PCDHA2: variants seen among roughly 807,000 people sequenced by gnomAD.
PCDHA2 encodes the protein protocadherin alpha 2, also known as protocadherin alpha-2.
Under a neutral mutation model 66.0 loss-of-function variants are expected in PCDHA2, and 58 were observed. The ratio of observed to expected loss-of-function variants is 0.88; its 90% CI spans 0.71 to 1.09. The LOEUF is 1.09. Ranked by LOEUF, PCDHA2 falls within the 50% of genes least tolerant of loss-of-function variation. The pLI, the probability that PCDHA2 is intolerant of heterozygous loss-of-function variation, is 0.00. For synonymous variants in PCDHA2, 634 were observed against 554.0 expected (o/e 1.14, Z -2.03); for missense variants, 1,267 against 1,242.3 (o/e 1.02, Z -0.30).
intron 1 of PCDHA2, among the ~76,000 whole-genome samples, chr5:140,905,301 C>T (rs1476283859): frequency 6.6e-6 from 1 of 152,182 alleles, no homozygotes; most frequent in Admixed American, 6.5e-5. Context: ...GGTGTCCTTT[C>T]CACACTTTGT....
chr5:140,861,023 C>T (rs1192782331), intron 1 of PCDHA2: 1 of 152,246 alleles, frequency 6.6e-6, no homozygotes, highest in Non-Finnish European at 1.5e-5. Context: ...GCCACCGCAC[C>T]CGGCCGAAAG....
chr5:140,830,343 C>T (rs2150185146), intron 1 of PCDHA2: 1 of 1,614,058 alleles, frequency 6.2e-7, no homozygotes, highest in South Asian at 1.1e-5. Context: ...TGGTCGTACT[C>T]GCAGCAGAGG....
intron 1 of PCDHA2, among the ~76,000 whole-genome samples, chr5:140,855,450 T>C (rs1304022224): frequency 6.7e-6 from 1 of 149,974 alleles, no homozygotes; most frequent in African/African-American, 2.4e-5. Context: ...TTCGGAGTTA[T>C]AAACACCTCA....
At chr5:140,802,454 G>A (rs1554122143) in intron 1 of PCDHA2, 6 of 1,614,214 alleles carry the variant, frequency 3.7e-6, no homozygotes, top group East Asian at 2.2e-5. Flanking sequence ...AGAGCGTGTC[G>A]GCCTATGAGC....
At chr5:140,843,505 T>A (rs2150361332) in intron 1 of PCDHA2, 2 of 1,595,718 alleles carry the variant, frequency 1.3e-6, no homozygotes, top group Admixed American at 1.7e-5. Context: ...CACTGCCCAC[T>A]GAGGGCGGGT....
At chr5:140,999,977 C>T (rs1554257051) in intron 3 of PCDHA2, among the ~76,000 whole-genome samples, 1 of 152,068 alleles carries the variant, frequency 6.6e-6, no homozygotes, top group Non-Finnish European at 1.5e-5. Flanking sequence ...GCAGCTCTAG[C>T]GGCCTCTGGG....
rs782517492 is a variant in PCDHA2, at chr5:140,857,455, A to G, written c.2388+60103A>G. The G allele has an allele frequency of 3.4e-5, 54 of 1,598,538 alleles. 6 individuals carry two copies. Among genetic ancestry groups the G allele is most frequent in the Admixed American group, 1.0e-4 (6 of 59,344 alleles). On this transcript the variant is annotated intron_variant, in intron 1 of 3. Transcript: ENST00000526136. ...TGTTCGTGAAGGAGAACAACCCGCC[A>G]GGCTGCCACATCTTCACGGTGTCTG...
intron 1 of PCDHA2, chr5:140,967,037 G>C (rs1429896772): frequency 2.5e-6 from 4 of 1,611,378 alleles, no homozygotes; most frequent in South Asian, 1.1e-5. Flanking sequence ...GCGCTACCTG[G>C]AGCTGGACCT....
chr5:140,850,254 G>C, intron 1 of PCDHA2: 1 of 1,593,786 alleles, frequency 6.3e-7, no homozygotes, highest in Non-Finnish European at 8.6e-7. Flanking sequence ...GTCGGTGGGC[G>C]CCGGCGTAGT....
chr5:140,875,961 C>G, intron 1 of PCDHA2: 1 of 1,614,004 alleles, frequency 6.2e-7, no homozygotes, highest in Non-Finnish European at 8.5e-7. Flanking sequence ...CGGATATCGG[C>G]GTAAACTCTC....
intron 1 of PCDHA2, chr5:140,847,826 A>T (rs914616937): frequency 6.7e-6 from 1 of 149,784 alleles, no homozygotes; most frequent in Non-Finnish European, 1.5e-5. Flanking sequence ...TACTCAAGAA[A>T]ACTACCTCAG....
At chr5:140,814,028 A>G (rs1469923006) in intron 1 of PCDHA2, 2 of 152,870 alleles carry the variant, frequency 1.3e-5, no homozygotes, top group African/African-American at 4.8e-5. Flanking sequence ...TAATAAATTA[A>G]CCTTAGCTTA....
chr5:140,801,740 C>T (rs774149101), intron 1 of PCDHA2: 3 of 1,613,818 alleles, frequency 1.9e-6, no homozygotes, highest in Non-Finnish European at 2.5e-6. Flanking sequence ...TTACCTTGGA[C>T]GTTAAAAGAA....
chr5:140,836,417 G>A (rs2150260300), intron 1 of PCDHA2: 22 of 1,613,704 alleles, frequency 1.4e-5, no homozygotes, highest in African/African-American at 1.1e-4. Context: ...CACCAAAGGC[G>A]TCGTCGCGGG....
intron 1 of PCDHA2, among the ~76,000 whole-genome samples, chr5:140,797,814 GC>G (rs1762265821): frequency 6.6e-6 from 1 of 152,064 alleles, no homozygotes; most frequent in Admixed American, 6.5e-5. Context: ...GATCAACAAT[GC>G]CCTTGTCTAT....
rs782070675 is a variant in PCDHA2, at chr5:140,797,156, C to T, written c.2192C>T (p.Ala731Val). The change falls in exon 1 of 4, where the codon GCG (alanine) becomes GTG (valine). Residue 731 changes from alanine to valine, a missense_variant. Transcript: ENST00000526136. ...TGCTCGGTGCCACCCACCGAGGGTG[C>T]GCGCGCGCCAGGAAAGCCCACGCTG... is the stretch of plus-strand genomic sequence containing the variant. Reference protein sequence around the residue: ...LRCSVPPTEGARAPGKPTLVC... With the variant: ...LRCSVPPTEGVRAPGKPTLVC... 1.2e-6 allele frequency: 2 copies of T among 1,613,954 alleles called. No individual in the cohort carries two copies. Among genetic ancestry groups the T allele is most frequent in the Admixed American group, 1.7e-5 (1 of 60,012 alleles).
At chr5:140,871,334 T>G (rs1554165439) in intron 1 of PCDHA2, 1 of 1,614,044 alleles carries the variant, frequency 6.2e-7, no homozygotes, top group African/African-American at 1.3e-5. Flanking sequence ...TCCCGCGCGG[T>G]GGGGAGCTGG....
chr5:140,956,885 T>A (rs1156888418), intron 1 of PCDHA2, among the ~76,000 whole-genome samples: 1 of 152,194 alleles, frequency 6.6e-6, no homozygotes, highest in Non-Finnish European at 1.5e-5. Flanking sequence ...TAGATATCAA[T>A]GAATGAATAT....
chr5:140,828,263 G>C, intron 1 of PCDHA2: 1 of 1,614,056 alleles, frequency 6.2e-7, no homozygotes, highest in Non-Finnish European at 8.5e-7. Context: ...GGAGCTGGCG[G>C]AGCTGGTGCC....
Sources: gnomAD v4.1 joint callset for allele counts (sites outside exome capture counted in the v4.1 genomes callset) on GRCh38, gnomAD v4.1.1 for gene constraint, MANE v1.5 for transcripts, NCBI Gene and HGNC (gene_info 2026-07-23, HGNC 2026-07-21) for gene names.